ITSN1: variants seen among roughly 807,000 people sequenced by gnomAD.
ITSN1 encodes the protein intersectin 1, also known as intersectin-1.
In ITSN1, 58 loss-of-function variants were observed where a neutral mutation model predicts 239.8. That is an observed-to-expected ratio of 0.24 (90% CI 0.20 to 0.30). ITSN1 has a LOEUF of 0.30. ITSN1 is among the 10% of genes least tolerant of loss of function. The pLI is 1.00. For missense variants in ITSN1, 1,558 were observed against 2,103.3 expected (o/e 0.74, Z 5.07); for synonymous variants, 780 against 770.8 (o/e 1.01, Z -0.20).
intron 18 of ITSN1, among the ~76,000 whole-genome samples, chr21:33,799,510 G>A (rs1008280071): frequency 1.3e-5 from 2 of 152,172 alleles, no homozygotes; most frequent in African/African-American, 4.8e-5. Flanking sequence ...CACTGCTGGA[G>A]CCCAAGGAAA....
intron 9 of ITSN1, among the ~76,000 whole-genome samples, chr21:33,765,555 C>G (rs1474739979): frequency 6.6e-6 from 1 of 152,120 alleles, no homozygotes; most frequent in East Asian, 1.9e-4. Flanking sequence ...CATGTCATTG[C>G]ACATCAGCCT....
intron 29 of ITSN1, among the ~76,000 whole-genome samples, chr21:33,849,819 CA>C (rs1411967337): frequency 2.0e-5 from 3 of 152,058 alleles, no homozygotes; most frequent in African/African-American, 7.2e-5. Flanking sequence ...AAAAATAAAA[CA>C]AAAACCAACA....
At chr21:33,839,318 G>A (rs1294173982) in intron 29 of ITSN1, among the ~76,000 whole-genome samples, 1 of 152,256 alleles carries the variant, frequency 6.6e-6, no homozygotes, top group East Asian at 1.9e-4. Flanking sequence ...GCACCACTGA[G>A]CAGACTGGCA....
rs1015547109 is a variant in ITSN1, at chr21:33,733,119, G to GA, written c.186-1917dup. On this transcript the variant is annotated intron_variant, in intron 4 of 39. Transcript: ENST00000381318. ...TAGACACCCATGAATAACCAAGGGG[G>GA]AAAAAAAACCTTCCCAGACCTTCCC... Among the ~76,000 whole-genome samples the GA allele has an allele frequency of 3.3e-5, 5 of 151,678 alleles. No homozygotes were observed. The East Asian group carries it at 7.7e-4, about 23-fold the overall frequency.
intron 1 of ITSN1, among the ~76,000 whole-genome samples, chr21:33,698,799 A>G (rs2091899309): frequency 6.6e-6 from 1 of 152,178 alleles, no homozygotes; most frequent in African/African-American, 2.4e-5. Context: ...TCCTGCTCTA[A>G]GAGTCATCTC....
At chr21:33,712,561 C>T (rs1482198487) in intron 1 of ITSN1, among the ~76,000 whole-genome samples, 1 of 152,144 alleles carries the variant, frequency 6.6e-6, no homozygotes, top group Admixed American at 6.5e-5. Flanking sequence ...TCTGGTTTTC[C>T]CCACACTTTA....
chr21:33,829,494 G>C lies in ITSN1; in HGVS notation c.3230-130G>C, dbSNP rs186557160. Reference sequence around the variant, plus strand: ...GCGATTCAGGGAGCCTTACTCGTTGGGTAGAAATCCAGCTCAATACATTGG... The same window carrying C: ...GCGATTCAGGGAGCCTTACTCGTTGCGTAGAAATCCAGCTCAATACATTGG... On this transcript the variant is annotated intron_variant, in intron 26 of 39. Transcript: ENST00000381318. 4.4e-5 allele frequency: 42 copies of C among 946,854 alleles called. No homozygotes were observed. The East Asian group carries it at 9.2e-4, about 21-fold the overall frequency. 58.7% of individuals were successfully genotyped at this position (946,854 alleles called of 1,614,324 possible).
intron 36 of ITSN1, among the ~76,000 whole-genome samples, chr21:33,884,083 G>A (rs1985396589): frequency 1.3e-5 from 2 of 151,502 alleles, no homozygotes; most frequent in Non-Finnish European, 2.9e-5. Flanking sequence ...ATATTTTTTT[G>A]TAGAGATGGG....
At chr21:33,772,449 G>A (rs1251254247) in intron 12 of ITSN1, 126 bp downstream of exon 12, 82 of 1,193,412 alleles carry the variant, frequency 6.9e-5, no homozygotes, top group Admixed American at 1.0e-4. Flanking sequence ...TATTCCCAAA[G>A]TTGTGCAACC....
At chr21:33,692,770 C>T (rs2091605599) in intron 1 of ITSN1, among the ~76,000 whole-genome samples, 1 of 151,628 alleles carries the variant, frequency 6.6e-6, no homozygotes, top group Admixed American at 6.6e-5. Context: ...TGTCAGTAAT[C>T]TATTTCTTTT....
intron 18 of ITSN1, among the ~76,000 whole-genome samples, chr21:33,799,373 G>A (rs1440481222): frequency 2.0e-5 from 3 of 152,184 alleles, no homozygotes; most frequent in Non-Finnish European, 4.4e-5. Context: ...GGAAACTGGT[G>A]CCTCTGTTCC....
At chr21:33,659,597 G>C (rs896492061) in intron 1 of ITSN1, among the ~76,000 whole-genome samples, 1 of 151,438 alleles carries the variant, frequency 6.6e-6, no homozygotes, top group Non-Finnish European at 1.5e-5. Context: ...TTTGAATACT[G>C]TGTCTATACA....
At chr21:33,838,868 T>C (rs1480466012) in intron 29 of ITSN1, among the ~76,000 whole-genome samples, 1 of 152,240 alleles carries the variant, frequency 6.6e-6, no homozygotes, top group Non-Finnish European at 1.5e-5. Context: ...CGTAATGTAC[T>C]GGTGAACACC....
intron 34 of ITSN1, among the ~76,000 whole-genome samples, chr21:33,879,419 T>C (rs1044663387): frequency 1.6e-4 from 24 of 152,192 alleles, no homozygotes; most frequent in African/African-American, 5.8e-4. Flanking sequence ...GAGCAGGGCA[T>C]TGGTGAGGAT....
intron 1 of ITSN1, among the ~76,000 whole-genome samples, chr21:33,676,238 C>T (rs541196698): frequency 6.6e-6 from 1 of 152,234 alleles, no homozygotes; most frequent in Admixed American, 6.5e-5. Flanking sequence ...CCGCTTCGGC[C>T]TCCCAGAGTG....
intron 14 of ITSN1, among the ~76,000 whole-genome samples, chr21:33,777,879 A>G (rs1007187301): frequency 6.6e-6 from 1 of 152,158 alleles, no homozygotes; most frequent in African/African-American, 2.4e-5. Flanking sequence ...CCTCTCGATG[A>G]AGGAAAGCTC....
intron 21 of ITSN1, among the ~76,000 whole-genome samples, chr21:33,812,352 C>A (rs1027996709): frequency 6.6e-6 from 1 of 152,106 alleles, no homozygotes; most frequent in African/African-American, 2.4e-5. Context: ...AGTTCTCTTG[C>A]TATAATTATG....
chr21:33,804,448 G>A (rs529890007), intron 20 of ITSN1, among the ~76,000 whole-genome samples: 24 of 152,238 alleles, frequency 1.6e-4, no homozygotes, highest in Admixed American at 6.5e-4. Flanking sequence ...ACATGAAAAG[G>A]CCAACATGTG....
At position 33,834,329 on chromosome 21, in the gene ITSN1, T is replaced by G; in HGVS notation, c.3374T>G (p.Ile1125Arg). 6.2e-7 allele frequency: 1 copy of G among 1,614,028 alleles called. No homozygotes were observed. Among genetic ancestry groups the G allele is most frequent in the Non-Finnish European group, 8.5e-7 (1 of 1,179,912 alleles). The change falls in exon 28 of 40, where the codon ATA (isoleucine) becomes AGA (arginine). Residue 1125 changes from isoleucine (I) to arginine (R), a missense_variant. Transcript: ENST00000381318. ...ELQARGKKRQ[I>R]GWFPANYVKL... ...TAGGCACGTGGGAAAAAGCGCCAGATAGGCTGGTTCCCAGCTAATTATGTA... is the reference window on the plus strand; with the variant it reads ...TAGGCACGTGGGAAAAAGCGCCAGAGAGGCTGGTTCCCAGCTAATTATGTA...
Sources: allele counts gnomAD v4.1 joint callset (sites outside exome capture counted in the v4.1 genomes callset), GRCh38; gene constraint gnomAD v4.1.1; transcripts MANE v1.5; gene names NCBI Gene and HGNC (gene_info 2026-07-23, HGNC 2026-07-21).